The following CERKL variants were observed in gnomAD, a reference collection of about 807,000 sequenced individuals.
The protein encoded by CERKL is ceramide kinase-like protein.
A neutral mutation model predicts 63.4 loss-of-function variants in CERKL; 61 were observed. The observed-to-expected ratio is 0.96, with a 90% confidence interval of 0.78 to 1.19. The LOEUF is 1.19. Among genes scored for constraint, CERKL ranks in the 50% most tolerant of loss-of-function variants. The pLI is 0.00. For missense variants in CERKL, 675 were observed against 655.5 expected (o/e 1.03, Z -0.33); for synonymous variants, 250 against 230.5 (o/e 1.08, Z -0.77).
intron 1 of CERKL, among the ~76,000 whole-genome samples, chr2:181,608,299 C>A (rs1685805649): frequency 6.6e-6 from 1 of 151,870 alleles, no homozygotes; most frequent in African/African-American, 2.4e-5. Context: ...ATATAGGTTG[C>A]AAATAACTTC....
intron 1 of CERKL, among the ~76,000 whole-genome samples, chr2:181,613,211 T>C (rs1374124282): frequency 6.6e-6 from 1 of 152,238 alleles, no homozygotes. Flanking sequence ...TCTGCTTCTA[T>C]AAGTTTGACT....
At chr2:181,602,372 T>G (rs1685492852) in intron 2 of CERKL, among the ~76,000 whole-genome samples, 4 of 152,204 alleles carry the variant, frequency 2.6e-5, no homozygotes, top group African/African-American at 9.7e-5. Flanking sequence ...TCCACTGAAA[T>G]TATTAATTTT....
intron 1 of CERKL, among the ~76,000 whole-genome samples, chr2:181,615,232 G>T (rs1350437866): frequency 6.6e-6 from 1 of 152,134 alleles, no homozygotes; most frequent in African/African-American, 2.4e-5. Flanking sequence ...ACCTCTCCTG[G>T]CAGGTTACCT....
In CERKL at chr2:181,605,054, C is replaced by T. The variant is rs115409465; in HGVS notation, c.239-975G>A. On this transcript the variant is annotated intron_variant, in intron 1 of 12. Coordinates refer to ENST00000410087, the MANE Select transcript of CERKL (RefSeq NM_201548.5). ...AACTAGTTTTACCTTTCACCTAAAA[C>T]TACAAAAGCACACAAGATACGTGAA... 8.1e-3 allele frequency among the ~76,000 whole-genome samples: 1,226 copies of T among 152,254 alleles called. 14 individuals are homozygous for T. The highest frequency in any genetic ancestry group is 0.025 in the African/African-American group (1,023 of 41,548).
chr2:181,607,784 A>C (rs1685780473), intron 1 of CERKL, among the ~76,000 whole-genome samples: 1 of 152,172 alleles, frequency 6.6e-6, no homozygotes. Context: ...TCACCCTATG[A>C]TGGACTACAT....
At position 181,604,081 on chromosome 2, in the gene CERKL, T is replaced by TG. The variant is rs1559100474; in HGVS notation, c.239-3dup. The TG allele has an allele frequency of 6.3e-7, 1 of 1,587,624 alleles. No individual in the cohort carries two copies. The highest frequency in any genetic ancestry group is 1.4e-5 in the African/African-American group (1 of 72,842). ...ATAGCAAGTCATACTTAGAATCACC[T>TG]GAAAAAAAAATAAATTTTCCAATTA... On this transcript the variant is annotated splice_polypyrimidine_tract_variant and splice_region_variant and intron_variant, in intron 1 of 12. Coordinates refer to ENST00000410087, the MANE Select transcript of CERKL (RefSeq NM_201548.5).
chr2:181,547,941 A>G, intron 8 of CERKL, 94 bp from the exon 9 acceptor site: 2 of 1,146,622 alleles, frequency 1.7e-6, no homozygotes, highest in South Asian at 2.6e-5. Flanking sequence ...AGAAAATTAG[A>G]GAACTCATCA....
At chr2:181,622,104 G>T (rs906913788) in intron 1 of CERKL, among the ~76,000 whole-genome samples, 4 of 152,158 alleles carry the variant, frequency 2.6e-5, no homozygotes, top group African/African-American at 9.7e-5. Flanking sequence ...AATAGGTTCT[G>T]CTAATCAAGT....
chr2:181,600,949 T>TAGTC (rs2105890022), intron 2 of CERKL, among the ~76,000 whole-genome samples: 1 of 152,286 alleles, frequency 6.6e-6, no homozygotes, highest in East Asian at 1.9e-4. Context: ...ATTGACCACA[T>TAGTC]AGTCGTAAGT....
chr2:181,621,934 G>C (rs552642499), intron 1 of CERKL, among the ~76,000 whole-genome samples: 1 of 152,206 alleles, frequency 6.6e-6, no homozygotes, highest in East Asian at 1.9e-4. Context: ...ATAACACTGT[G>C]CAGTCTTTTA....
chr2:181,563,320 A>G (rs1422638301), intron 4 of CERKL, among the ~76,000 whole-genome samples: 2 of 152,142 alleles, frequency 1.3e-5, no homozygotes, highest in Admixed American at 6.6e-5. Flanking sequence ...TCATAGAAAC[A>G]TATGTAATTC....
chr2:181,586,644 C>A (rs908034113), intron 2 of CERKL, among the ~76,000 whole-genome samples: 2 of 152,162 alleles, frequency 1.3e-5, no homozygotes, highest in African/African-American at 4.8e-5. Flanking sequence ...CGCCAGTTTG[C>A]AATGAACCAG....
At chr2:181,642,088 T>A (rs1687465237) in intron 1 of CERKL, among the ~76,000 whole-genome samples, 1 of 152,236 alleles carries the variant, frequency 6.6e-6, no homozygotes, top group African/African-American at 2.4e-5. Context: ...ATCTTAAAAA[T>A]TTCCTCAAAT....
chr2:181,657,101 G>A lies in CERKL; in HGVS notation c.-95C>T. ...GCAGCCCCAGCTCTAGCCGCGTCCAGCGCTGCCACAGCAACGGCGCGCAGG... is the reference window on the plus strand; with the variant it reads ...GCAGCCCCAGCTCTAGCCGCGTCCAACGCTGCCACAGCAACGGCGCGCAGG... On this transcript the variant is annotated 5_prime_UTR_variant, in exon 1 of 13. Coordinates refer to ENST00000410087, the MANE Select transcript of CERKL (RefSeq NM_201548.5). 1 of 1,197,152 alleles carries A rather than the reference G, an allele frequency of 8.4e-7. No homozygotes were observed. The highest frequency in any genetic ancestry group is 2.0e-5 in the Admixed American group (1 of 50,380). 74.2% of individuals were successfully genotyped at this position (1,197,152 alleles called of 1,614,324 possible).
intron 1 of CERKL, among the ~76,000 whole-genome samples, chr2:181,609,814 G>A (rs1226826255): frequency 6.6e-6 from 1 of 152,094 alleles, no homozygotes; most frequent in Non-Finnish European, 1.5e-5. Flanking sequence ...GAATAGATCA[G>A]GAAACAATTA....
intron 1 of CERKL, among the ~76,000 whole-genome samples, chr2:181,633,603 G>A (rs1375918877): frequency 1.3e-5 from 2 of 152,084 alleles, no homozygotes; most frequent in Admixed American, 6.6e-5. Context: ...AGTTCATATT[G>A]TTTTTGAATA....
At chr2:181,597,350 A>G (rs1685262022) in intron 2 of CERKL, among the ~76,000 whole-genome samples, 1 of 152,228 alleles carries the variant, frequency 6.6e-6, no homozygotes, top group Non-Finnish European at 1.5e-5. Flanking sequence ...AGAATTTAAT[A>G]CAAACTAGTT....
intron 1 of CERKL, among the ~76,000 whole-genome samples, chr2:181,615,400 C>A (rs748813471): frequency 2.0e-5 from 3 of 152,212 alleles, no homozygotes; most frequent in African/African-American, 7.2e-5. Flanking sequence ...AAGCCTCGGG[C>A]TTGTCTAAAT....
At chr2:181,621,968 G>T (rs929910851) in intron 1 of CERKL, among the ~76,000 whole-genome samples, 1 of 152,156 alleles carries the variant, frequency 6.6e-6, no homozygotes, top group African/African-American at 2.4e-5. Flanking sequence ...CTTCCAGATG[G>T]ATTCAAGTTT....
Sources: allele counts gnomAD v4.1 joint callset (sites outside exome capture counted in the v4.1 genomes callset), GRCh38; gene constraint gnomAD v4.1.1; transcripts MANE v1.5; gene names NCBI Gene and HGNC (gene_info 2026-07-23, HGNC 2026-07-21).